CDKAL1: variants seen among roughly 807,000 people sequenced by gnomAD.
CDKAL1 encodes threonylcarbamoyladenosine tRNA methylthiotransferase.
CDKAL1 carries 32 observed loss-of-function variants against 68.2 expected under a neutral mutation model. The observed-to-expected ratio is 0.47, with a 90% confidence interval of 0.35 to 0.63. The LOEUF is 0.63. CDKAL1 is among the 30% of genes least tolerant of loss of function. The probability of loss-of-function intolerance (pLI) is 0.00; values close to 1 mark genes in which losing one functional copy is unlikely to be tolerated. For synonymous variants in CDKAL1, 234 were observed against 244.3 expected (o/e 0.96, Z 0.39); for missense variants, 606 against 696.7 (o/e 0.87, Z 1.47).
intron 2 of CDKAL1, among the ~76,000 whole-genome samples, chr6:20,542,353 C>G (rs552923419): frequency 6.6e-6 from 1 of 152,182 alleles, no homozygotes; most frequent in South Asian, 2.1e-4. Context: ...CCACACAGTG[C>G]GTGGGCTTGG....
intron 11 of CDKAL1, among the ~76,000 whole-genome samples, chr6:21,031,791 G>A (rs952046518): frequency 1.3e-5 from 2 of 152,028 alleles, no homozygotes; most frequent in Non-Finnish European, 2.9e-5. Flanking sequence ...TGCGTTATTT[G>A]CATGACTTTT....
chr6:20,994,590 C>T (rs916805120), intron 10 of CDKAL1, among the ~76,000 whole-genome samples: 4 of 152,148 alleles, frequency 2.6e-5, no homozygotes, highest in Non-Finnish European at 4.4e-5. Flanking sequence ...TTCATTGTTA[C>T]AGGCATACCT....
rs1398221848 is a variant in CDKAL1 at position 21,223,566 on chromosome 6, G to A, written c.1549-7282G>A. Among the ~76,000 whole-genome samples the A allele has an allele frequency of 2.6e-5, 4 of 151,706 alleles. No individual in the cohort carries two copies. In the East Asian group the frequency reaches 7.7e-4, roughly 29 times the overall value. ...TTTTGTATGAGAAGGAAGAGGACTT[G>A]GAAGAAAGGCCTCTAAACAACATGA... On this transcript the variant is annotated intron_variant, in intron 15 of 15. Coordinates refer to ENST00000274695, the MANE Select transcript of CDKAL1 (RefSeq NM_017774.3).
At chr6:20,990,878 G>C (rs1419710859) in intron 10 of CDKAL1, among the ~76,000 whole-genome samples, 3 of 152,174 alleles carry the variant, frequency 2.0e-5, no homozygotes, top group Non-Finnish European at 4.4e-5. Flanking sequence ...GTCTTTGTAG[G>C]ACTTATGCCA....
intron 5 of CDKAL1, among the ~76,000 whole-genome samples, chr6:20,671,389 A>G (rs567824032): frequency 9.7e-4 from 147 of 152,202 alleles, no homozygotes; most frequent in African/African-American, 3.4e-3. Context: ...TGTCTGTGGC[A>G]TATGTCACAG....
intron 8 of CDKAL1, among the ~76,000 whole-genome samples, chr6:20,829,811 A>G (rs1359807347): frequency 6.6e-6 from 1 of 152,234 alleles, no homozygotes; most frequent in Admixed American, 6.5e-5. Context: ...TATTCTCAAC[A>G]TGAATATGAT....
At chr6:20,965,710 A>C (rs1022907204) in intron 10 of CDKAL1, among the ~76,000 whole-genome samples, 1 of 152,226 alleles carries the variant, frequency 6.6e-6, no homozygotes, top group African/African-American at 2.4e-5. Context: ...TCACATTGCC[A>C]GTCCCCTGAA....
intron 8 of CDKAL1, among the ~76,000 whole-genome samples, chr6:20,834,975 T>C (rs1369747345): frequency 2.0e-5 from 3 of 152,182 alleles, no homozygotes; most frequent in African/African-American, 7.2e-5. Flanking sequence ...CAATGTGCTA[T>C]TGACACACTG....
intron 9 of CDKAL1, among the ~76,000 whole-genome samples, chr6:20,930,964 C>T (rs1478243532): frequency 2.6e-5 from 4 of 151,616 alleles, no homozygotes; most frequent in African/African-American, 4.8e-5. Flanking sequence ...AAGATGGTCT[C>T]GATCTCCTGA....
chr6:20,644,260 CA>C (rs1310284582), intron 4 of CDKAL1, among the ~76,000 whole-genome samples: 18 of 152,092 alleles, frequency 1.2e-4, no homozygotes. Flanking sequence ...TACAGCCTGG[CA>C]CGTAGTGAAT....
At chr6:21,188,239 A>C (rs988744091) in intron 13 of CDKAL1, among the ~76,000 whole-genome samples, 1 of 152,158 alleles carries the variant, frequency 6.6e-6, no homozygotes, top group Non-Finnish European at 1.5e-5. Flanking sequence ...GTAGTTAAAA[A>C]CTTCTCATTT....
intron 13 of CDKAL1, among the ~76,000 whole-genome samples, chr6:21,192,017 T>C (rs1778267863): frequency 2.2e-5 from 2 of 89,676 alleles, no homozygotes; most frequent in African/African-American, 4.6e-5. Context: ...TTTTTTTTTT[T>C]TTTTTTTTTT....
At chr6:20,908,750 A>G (rs1467780413) in intron 9 of CDKAL1, among the ~76,000 whole-genome samples, 1 of 152,226 alleles carries the variant, frequency 6.6e-6, no homozygotes, top group Non-Finnish European at 1.5e-5. Flanking sequence ...ACTGCATTAC[A>G]TATTAAATCA....
At position 20,762,360 on chromosome 6, in the gene CDKAL1, C is replaced by T. The variant is rs538454602; in HGVS notation, c.517+3717C>T. ...AGGATGGGAAGTTTGATAATTAAGC[C>T]TTCATAATGCAACAGGAGAATTTTT... is the stretch of plus-strand genomic sequence containing the variant. On this transcript the variant is annotated intron_variant, in intron 7 of 15. Transcript: ENST00000274695. Among the ~76,000 whole-genome samples the T allele has an allele frequency of 2.6e-5, 4 of 152,210 alleles. No homozygotes were observed. In the South Asian group the frequency reaches 8.3e-4, roughly 32 times the overall value.
chr6:20,896,909 G>A (rs1207226978), intron 9 of CDKAL1, among the ~76,000 whole-genome samples: 1 of 152,154 alleles, frequency 6.6e-6, no homozygotes, highest in Non-Finnish European at 1.5e-5. Flanking sequence ...GTGTTCTTGG[G>A]TTCGGAGGAT....
chr6:20,853,817 T>C (rs1168184074), intron 9 of CDKAL1, among the ~76,000 whole-genome samples: 2 of 152,208 alleles, frequency 1.3e-5, no homozygotes, highest in East Asian at 1.9e-4. Flanking sequence ...TAAAATGAGC[T>C]GACCCTCTCA....
At chr6:20,616,897 G>A (rs1766938083) in intron 4 of CDKAL1, among the ~76,000 whole-genome samples, 1 of 126,954 alleles carries the variant, frequency 7.9e-6, no homozygotes, top group Non-Finnish European at 1.7e-5. Context: ...AAAATTAGCT[G>A]GACATGATGG....
At chr6:21,086,988 C>A (rs193027887) in intron 12 of CDKAL1, among the ~76,000 whole-genome samples, 58 of 152,300 alleles carry the variant, frequency 3.8e-4, no homozygotes, top group African/African-American at 1.3e-3. Context: ...CCCCAAACCT[C>A]TGTAGCCCAA....
At position 21,130,791 on chromosome 6, in the gene CDKAL1, A is replaced by G. The variant is rs180909380; in HGVS notation, c.1299+22328A>G. Among the ~76,000 whole-genome samples, 9 of 152,190 alleles carry G rather than the reference A, an allele frequency of 5.9e-5. 1 individual carries two copies. The highest frequency in any genetic ancestry group is 5.9e-4 in the Admixed American group (9 of 15,282). ...TGCCACCACCCTGGTCCCAAGGCAG[A>G]CCCCTCCACAGCCATCGCCCAAAGA... On this transcript the variant is annotated intron_variant, in intron 13 of 15. Transcript: ENST00000274695.
Sources: gnomAD v4.1 joint callset for allele counts (sites outside exome capture counted in the v4.1 genomes callset) on GRCh38, gnomAD v4.1.1 for gene constraint, MANE v1.5 for transcripts, NCBI Gene and HGNC (gene_info 2026-07-23, HGNC 2026-07-21) for gene names.